NELL1: variants seen among roughly 807,000 people sequenced by gnomAD.
NELL1 encodes the protein protein kinase C-binding protein NELL1.
A neutral mutation model predicts 107.4 loss-of-function variants in NELL1; 76 were observed. The observed-to-expected ratio is 0.71, with a 90% CI of 0.59 to 0.86. The LOEUF is 0.86. Among genes scored for constraint, NELL1 ranks in the 40% least tolerant of loss-of-function variants. NELL1 has a pLI of 0.00. For missense variants in NELL1, 1,024 were observed against 1,005.5 expected (o/e 1.02, Z -0.25); for synonymous variants, 353 against 341.2 (o/e 1.03, Z -0.38).
At chr11:21,297,099 G>A (rs1456554795) in intron 14 of NELL1, among the ~76,000 whole-genome samples, 1 of 151,642 alleles carries the variant, frequency 6.6e-6, no homozygotes, top group Non-Finnish European at 1.5e-5. Flanking sequence ...TCTCCTATCT[G>A]CAGCATTCTG....
intron 3 of NELL1, among the ~76,000 whole-genome samples, chr11:20,818,534 T>G (rs966903416): frequency 5.3e-5 from 8 of 151,876 alleles, no homozygotes; most frequent in Non-Finnish European, 1.2e-4. Flanking sequence ...ATTTGAAGAT[T>G]TTGAAATCAG....
intron 10 of NELL1, among the ~76,000 whole-genome samples, chr11:20,942,456 C>T (rs1456850386): frequency 6.6e-6 from 1 of 152,002 alleles, no homozygotes; most frequent in Non-Finnish European, 1.5e-5. Flanking sequence ...GACAAGGAGG[C>T]TCCCAGGGTT....
chr11:20,669,777 A>G lies in NELL1; in HGVS notation c.54A>G (p.Thr18=), dbSNP rs776638017. The stretch of plus-strand genomic sequence containing the variant: ...GGTTCTGTGTGTGCACTGCCAGGAC[A>G]GGTAAGCATGACTGTGGCGGTTAGA... ...VVWFCVCTAR[T]VVGFGMDPDL... The change falls in exon 1 of 20, where the codon ACA becomes ACG. Residue 18 remains threonine (T), a splice_region_variant and synonymous_variant. Transcript: ENST00000357134. This position sits in a 1 kb window ranked among gnomAD's most constrained non-coding sequence, Gnocchi z 4.4. The G allele has an allele frequency of 2.5e-6, 4 of 1,613,136 alleles. No homozygotes were observed. In the South Asian group the frequency reaches 3.3e-5, roughly 13 times the overall value.
chr11:20,709,540 T>C (rs1344544618), intron 2 of NELL1, among the ~76,000 whole-genome samples: 1 of 152,174 alleles, frequency 6.6e-6, no homozygotes, highest in African/African-American at 2.4e-5. Flanking sequence ...CTTGGTTCCA[T>C]AGGAATTTTA....
At chr11:20,847,804 T>C in intron 4 of NELL1, 51 bp downstream of exon 4, 2 of 1,519,762 alleles carry the variant, frequency 1.3e-6, no homozygotes, top group South Asian at 1.2e-5. Flanking sequence ...AATCAAGCAA[T>C]GGAAAAGGGG....
At chr11:21,020,843 A>G (rs995330639) in intron 12 of NELL1, among the ~76,000 whole-genome samples, 22 of 151,962 alleles carry the variant, frequency 1.4e-4, no homozygotes, top group Non-Finnish European at 2.9e-5. Context: ...TAGGAAGCCC[A>G]TAAACAACCA....
chr11:21,205,325 C>A (rs1378749476), intron 13 of NELL1, among the ~76,000 whole-genome samples: 1 of 152,168 alleles, frequency 6.6e-6, no homozygotes, highest in African/African-American at 2.4e-5. Flanking sequence ...GAGGAGGAAT[C>A]TAAAGAGGCA....
At chr11:21,187,529 T>C (rs770028970) in intron 13 of NELL1, among the ~76,000 whole-genome samples, 2 of 151,838 alleles carry the variant, frequency 1.3e-5, no homozygotes, top group African/African-American at 2.4e-5. Context: ...ATTAAGCAAT[T>C]AATACCTCCC....
At chr11:21,438,411 T>C (rs1590932425) in intron 15 of NELL1, among the ~76,000 whole-genome samples, 1 of 152,228 alleles carries the variant, frequency 6.6e-6, no homozygotes, top group African/African-American at 2.4e-5. Context: ...TCTTTGAATG[T>C]TACAGTTTGA....
At chr11:20,859,711 C>A (rs867570118) in intron 4 of NELL1, among the ~76,000 whole-genome samples, 2 of 152,130 alleles carry the variant, frequency 1.3e-5, no homozygotes, top group African/African-American at 4.8e-5. Flanking sequence ...CAGTAGGAGA[C>A]CCCCATTTAG....
At chr11:20,997,735 T>A (rs1852123604) in intron 12 of NELL1, among the ~76,000 whole-genome samples, 1 of 152,208 alleles carries the variant, frequency 6.6e-6, no homozygotes, top group African/African-American at 2.4e-5. Flanking sequence ...ACGCCTGTAA[T>A]CTCAGCATTT....
chr11:21,229,571 T>C, intron 14 of NELL1, 117 bp downstream of exon 14: 9 of 1,384,700 alleles, frequency 6.5e-6, no homozygotes, highest in South Asian at 1.3e-5. Flanking sequence ...TTCCTGCTCC[T>C]GGTTTATCAA....
chr11:21,310,216 C>A (rs758481198), intron 14 of NELL1, among the ~76,000 whole-genome samples: 19 of 152,002 alleles, frequency 1.2e-4, no homozygotes, highest in Non-Finnish European at 2.9e-5. Context: ...GATTTGAAAC[C>A]AGATCTACCT....
intron 5 of NELL1, among the ~76,000 whole-genome samples, chr11:20,890,352 C>G (rs543460032): frequency 2.6e-4 from 40 of 152,210 alleles, no homozygotes; most frequent in Non-Finnish European, 5.1e-4. Context: ...AAAACCCCAT[C>G]CAAAGGTCAG....
At chr11:21,246,934 G>C (rs1456750991) in intron 14 of NELL1, among the ~76,000 whole-genome samples, 1 of 152,180 alleles carries the variant, frequency 6.6e-6, no homozygotes, top group East Asian at 1.9e-4. Flanking sequence ...CCGCCCCCAT[G>C]ATTCAATTAT....
intron 15 of NELL1, among the ~76,000 whole-genome samples, chr11:21,515,156 AT>A (rs1185625575): frequency 6.6e-6 from 1 of 152,180 alleles, no homozygotes; most frequent in African/African-American, 2.4e-5. Context: ...CATGTGCATG[AT>A]TTTTACAGTA....
intron 14 of NELL1, among the ~76,000 whole-genome samples, chr11:21,289,209 A>C (rs1178998255): frequency 1.3e-5 from 2 of 152,222 alleles, no homozygotes; most frequent in Non-Finnish European, 2.9e-5. Context: ...AATGTATTTA[A>C]AACTCTTGGG....
intron 12 of NELL1, among the ~76,000 whole-genome samples, chr11:21,005,778 G>A (rs758618797): frequency 1.2e-4 from 18 of 152,142 alleles, no homozygotes; most frequent in Non-Finnish European, 2.2e-4. Context: ...AACCGTGATG[G>A]ATTCTTTAGA....
rs141023383 is a variant in NELL1, at chr11:21,127,837, A to G, written c.1426+14123A>G. ...CCCAAATTATAAGATTATTTGAAAG[A>G]TATACTTGTTTATGGTTAAAAATAT... is the stretch of plus-strand genomic sequence containing the variant. On this transcript the variant is annotated intron_variant, in intron 13 of 19. Coordinates refer to ENST00000357134, the MANE Select transcript of NELL1 (RefSeq NM_006157.5). Among the ~76,000 whole-genome samples, 882 of 152,234 alleles carry G rather than the reference A, an allele frequency of 5.8e-3. 10 individuals carry two copies. The highest frequency in any genetic ancestry group is 0.02 in the African/African-American group (847 of 41,534).
Sources: gnomAD v4.1 joint callset for allele counts (sites outside exome capture counted in the v4.1 genomes callset) on GRCh38, gnomAD v4.1.1 for gene constraint, Gnocchi (gnomAD v3.1) non-coding constraint, MANE v1.5 for transcripts, NCBI Gene and HGNC (gene_info 2026-07-23, HGNC 2026-07-21) for gene names.